The following ZNF462 variants were observed in gnomAD, a reference collection of about 807,000 sequenced individuals.
ZNF462 encodes the protein zinc finger protein 462.
In ZNF462, 10 loss-of-function variants were observed where a neutral mutation model predicts 201.9. The ratio of observed to expected loss-of-function variants is 0.05; its 90% CI spans 0.03 to 0.08. The LOEUF is 0.08. Among genes scored for constraint, ZNF462 ranks in the 10% least tolerant of loss-of-function variants. The probability of loss-of-function intolerance (pLI) is 1.00; values close to 1 mark genes in which losing one functional copy is unlikely to be tolerated. For missense variants in ZNF462, 2,523 were observed against 3,168.3 expected (o/e 0.80, Z 4.89); for synonymous variants, 1,227 against 1,193.3 (o/e 1.03, Z -0.58).
chr9:106,882,879 G>C (rs1480401745), intron 1 of ZNF462, among the ~76,000 whole-genome samples: 1 of 152,148 alleles, frequency 6.6e-6, no homozygotes, highest in Non-Finnish European at 1.5e-5. Context: ...AAGCCTCAAG[G>C]AATATAGGGA....
chr9:106,998,115 G>T (rs564509927), intron 10 of ZNF462, among the ~76,000 whole-genome samples: 1 of 152,208 alleles, frequency 6.6e-6, no homozygotes, highest in East Asian at 1.9e-4. Flanking sequence ...TCTTCACAGC[G>T]CTGCACATTC....
At chr9:106,901,933 C>T (rs1829081606) in intron 1 of ZNF462, among the ~76,000 whole-genome samples, 1 of 152,116 alleles carries the variant, frequency 6.6e-6, no homozygotes, top group Non-Finnish European at 1.5e-5. Context: ...TCTGATTGCT[C>T]TCGCTAGAAC....
chr9:107,007,757 G>C (rs559138399), intron 11 of ZNF462, among the ~76,000 whole-genome samples: 28 of 152,188 alleles, frequency 1.8e-4, no homozygotes, highest in Non-Finnish European at 3.8e-4. Context: ...GAGGTGGCTT[G>C]CGTGCAGCTC....
At chr9:106,879,333 C>CCG (rs1554693596) in intron 1 of ZNF462, among the ~76,000 whole-genome samples, 3 of 30,268 alleles carry the variant, frequency 9.9e-5, no homozygotes, top group South Asian at 1.8e-3. Flanking sequence ...ATGCTTTCCA[C>CCG]CCCCCCCCCC....
At chr9:106,881,653 C>A (rs985078372) in intron 1 of ZNF462, among the ~76,000 whole-genome samples, 5 of 152,156 alleles carry the variant, frequency 3.3e-5, no homozygotes, top group African/African-American at 1.2e-4. Flanking sequence ...TCAGAATATA[C>A]CTGAGTTTTA....
chr9:106,863,380 C>T (rs1422883522), intron 1 of ZNF462, 25 bp downstream of exon 1: 1 of 394,690 alleles, frequency 2.5e-6, no homozygotes, highest in Non-Finnish European at 4.5e-6. Context: ...TTAACAACCA[C>T]CTCGGGGTGG....
rs1304602273 is a variant in ZNF462 at position 107,005,392 on chromosome 9, G to T, written c.7189+1966G>T. ...CTAGCATGTTATCTTCACTCTTTTT[G>T]ATAATAGCCTCGTAACAGGTGTGAA... On this transcript the variant is annotated intron_variant, in intron 11 of 12. Coordinates refer to ENST00000277225, the MANE Select transcript of ZNF462 (RefSeq NM_021224.6). The surrounding 1 kb of genome is among the most constrained non-coding windows in gnomAD (Gnocchi z 4.4). Among the ~76,000 whole-genome samples the T allele has an allele frequency of 1.3e-5, 2 of 152,150 alleles. No individual in the cohort carries two copies. The highest frequency in any genetic ancestry group is 2.9e-5 in the Non-Finnish European group (2 of 68,020).
Position 106,863,327 on chromosome 9 carries a change from G to C in ZNF462, c.-59G>C. On this transcript the variant is annotated 5_prime_UTR_variant, in exon 1 of 13. Coordinates refer to ENST00000277225, the MANE Select transcript of ZNF462 (RefSeq NM_021224.6). ...AGGCGGTGGGGCTGGAGAACCCGAA[G>C]CACCTCCCGGCGCCGGGACGCTTCT... is the stretch of plus-strand genomic sequence containing the variant. The C allele has an allele frequency of 2.5e-6, 1 of 397,696 alleles. No homozygotes were observed. Among genetic ancestry groups the C allele is most frequent in the Non-Finnish European group, 4.4e-6 (1 of 225,464 alleles). The allele number at this position is 397,696 out of a possible 1,614,324, so 24.6% of individuals were successfully genotyped here.
At position 107,010,500 on chromosome 9, in the gene ZNF462, C is replaced by T. The variant is rs137902127; in HGVS notation, c.7314-323C>T. On this transcript the variant is annotated intron_variant, in intron 12 of 12. Transcript: ENST00000277225. The surrounding 1 kb of genome is among the most constrained non-coding windows in gnomAD (Gnocchi z 4.6). ...CATAAGACAATTCTTGCTGTTACCACTTATGACCCAGTAGAGAAAGTGACA... is the reference window on the plus strand; with the variant it reads ...CATAAGACAATTCTTGCTGTTACCATTTATGACCCAGTAGAGAAAGTGACA... 9.0e-4 allele frequency among the ~76,000 whole-genome samples: 137 copies of T among 152,284 alleles called. 4 individuals are homozygous for T. In the East Asian group the frequency reaches 0.024, roughly 27 times the overall value.
At chr9:106,940,665 T>TA in intron 7 of ZNF462, among the ~76,000 whole-genome samples, 1 of 152,312 alleles carries the variant, frequency 6.6e-6, no homozygotes, top group East Asian at 1.9e-4. Flanking sequence ...GAAGGCTTGT[T>TA]ATGATGGCTA....
At chr9:106,945,054 T>A (rs1564123323) in intron 7 of ZNF462, among the ~76,000 whole-genome samples, 2 of 152,096 alleles carry the variant, frequency 1.3e-5, no homozygotes, top group African/African-American at 4.8e-5. Context: ...ATGAGATGAT[T>A]GGGGGGAATA....
rs1830748375 is a variant in ZNF462, at chr9:106,938,985, C to T, written c.6305C>T (p.Ser2102Phe). 1.2e-6 allele frequency: 2 copies of T among 1,614,002 alleles called. No individual in the cohort carries two copies. The highest frequency in any genetic ancestry group is 1.7e-6 in the Non-Finnish European group (2 of 1,179,940). ...ACAATCAGCCAGCTGAAGGAACACTCCCTCAAGGTCCACGGAAAAGCCCTG... is the reference window on the plus strand; with the variant it reads ...ACAATCAGCCAGCTGAAGGAACACTTCCTCAAGGTCCACGGAAAAGCCCTG... ...TMTISQLKEHSLKVHGKALTL... is the reference protein window; with the variant it reads ...TMTISQLKEHFLKVHGKALTL... The change falls in exon 7 of 13, where the codon TCC (serine) becomes TTC (phenylalanine). Residue 2102 changes from serine (S) to phenylalanine (F), a missense_variant. Around this residue, in one of 15 missense-constraint regions of ZNF462, gnomAD observed 138 missense variants for 146.3 expected, o/e 0.94. Transcript: ENST00000277225. The surrounding 1 kb of genome is among the most constrained non-coding windows in gnomAD (Gnocchi z 4.4).
Position 106,926,146 on chromosome 9 carries a change from C to T in ZNF462, c.2234C>T (p.Thr745Ile). The T allele has an allele frequency of 3.1e-6, 5 of 1,614,170 alleles. No individual in the cohort carries two copies. The highest frequency in any genetic ancestry group is 4.2e-6 in the Non-Finnish European group (5 of 1,180,036). ...EVELDREEEP[T>I]EPIIEVPTSF... ...GAGTTGGACAGGGAGGAAGAACCGA[C>T]AGAACCCATCATAGAGGTTCCCACT... The change falls in exon 3 of 13, where the codon ACA becomes ATA. Residue 745 changes from threonine (T) to isoleucine (I), a missense_variant. By Grantham distance (89) the Thr-to-Ile change is moderately conservative (BLOSUM62 -1). Transcript: ENST00000277225. The surrounding 1 kb of genome is among the most constrained non-coding windows in gnomAD (Gnocchi z 7.9).
chr9:106,987,506 A>T (rs967481258), intron 10 of ZNF462, among the ~76,000 whole-genome samples: 5 of 151,738 alleles, frequency 3.3e-5, no homozygotes, highest in Admixed American at 3.3e-4. Context: ...CCACTTTTTC[A>T]TGAGATTGTT....
chr9:106,861,012 T>C (rs945873038), upstream of ZNF462, among the ~76,000 whole-genome samples: 4 of 151,964 alleles, frequency 2.6e-5, no homozygotes, highest in Non-Finnish European at 2.9e-5. Flanking sequence ...TCTCGTCTCC[T>C]TACTTCTCTT....
At position 106,929,378 on chromosome 9, in the gene ZNF462, A is replaced by G. The variant is rs775779104; in HGVS notation, c.5466A>G (p.Glu1822=). ...AGCATGAGAAGCCCACACTGATGGAAGAAGAGGAGAGAGGCAACTTTGAGA... is the reference window on the plus strand; with the variant it reads ...AGCATGAGAAGCCCACACTGATGGAGGAAGAGGAGAGAGGCAACTTTGAGA... ...ADEHEKPTLM[E]EEERGNFEKA... Residue 1822 remains glutamate, a synonymous_variant, in exon 3 of 13, where the codon GAA becomes GAG. Coordinates refer to ENST00000277225, the MANE Select transcript of ZNF462 (RefSeq NM_021224.6). This position sits in a 1 kb window ranked among gnomAD's most constrained non-coding sequence, Gnocchi z 8.7. 1 of 1,614,102 alleles carries G rather than the reference A, an allele frequency of 6.2e-7. No individual in the cohort carries two copies. Among genetic ancestry groups the G allele is most frequent in the Non-Finnish European group, 8.5e-7 (1 of 1,180,046 alleles).
chr9:106,923,566 T>G lies in ZNF462; in HGVS notation c.183T>G (p.Ser61=), dbSNP rs1314277452. Residue 61 remains serine (S), a synonymous_variant, in exon 2 of 13, where the codon TCT becomes TCG. Coordinates refer to ENST00000277225, the MANE Select transcript of ZNF462 (RefSeq NM_021224.6). The surrounding 1 kb of genome is among the most constrained non-coding windows in gnomAD (Gnocchi z 5.6). ...ASNQTEVEFS[S]IKDEFAIAED... is the part of the protein sequence containing the mutation. The stretch of plus-strand genomic sequence containing the variant: ...ATCAGACAGAGGTGGAGTTTTCTTC[T>G]ATAAAGGATGAATTTGCCATTGCAG... 6.2e-7 allele frequency: 1 copy of G among 1,614,134 alleles called. No homozygotes were observed. Among genetic ancestry groups the G allele is most frequent in the African/African-American group, 1.3e-5 (1 of 74,934 alleles).
At chr9:106,875,478 G>A (rs2130874490) in intron 1 of ZNF462, among the ~76,000 whole-genome samples, 1 of 152,320 alleles carries the variant, frequency 6.6e-6, no homozygotes, top group South Asian at 2.1e-4. Context: ...ACGAAAAAGA[G>A]AGTCATCTGT....
At chr9:106,949,504 A>G (rs2131746923) in intron 7 of ZNF462, among the ~76,000 whole-genome samples, 2 of 152,220 alleles carry the variant, frequency 1.3e-5, no homozygotes, top group Admixed American at 1.3e-4. Context: ...TGAGTTAACT[A>G]ACTTCTCCCT....
Sources: gnomAD v4.1 joint callset for allele counts (sites outside exome capture counted in the v4.1 genomes callset) on GRCh38, gnomAD v4.1.1 for gene constraint, gnomAD v4.1.1 regional missense constraint, Gnocchi (gnomAD v3.1) non-coding constraint, MANE v1.5 for transcripts, NCBI Gene and HGNC (gene_info 2026-07-23, HGNC 2026-07-21) for gene names.